The following ZFHX3 variants were observed in gnomAD, a reference collection of about 807,000 sequenced individuals.
ZFHX3 encodes zinc finger homeobox 3, also known as zinc finger homeobox protein 3.
A neutral mutation model predicts 279.1 loss-of-function variants in ZFHX3; 42 were observed. The ratio of observed to expected loss-of-function variants is 0.15; its 90% CI spans 0.12 to 0.19. The LOEUF (loss-of-function observed/expected upper bound fraction) is 0.19, where lower values mean the gene tolerates loss of function less well. Among genes scored for constraint, ZFHX3 ranks in the 10% least tolerant of loss-of-function variants. The pLI, the probability that ZFHX3 is intolerant of heterozygous loss-of-function variation, is 1.00. For missense variants in ZFHX3, 4,981 were observed against 4,754.0 expected (o/e 1.05, Z -1.40); for synonymous variants, 2,293 against 1,957.8 (o/e 1.17, Z -4.52).
chr16:73,315,602 G>GA (rs974445638), intron 4 of ZFHX3, among the ~76,000 whole-genome samples: 70 of 150,332 alleles, frequency 4.7e-4, no homozygotes, highest in Admixed American at 1.1e-3. Flanking sequence ...ACCAGGTATT[G>GA]AAAAAAAAAG....
chr16:72,939,152 A>G (rs1242086992), intron 3 of ZFHX3, among the ~76,000 whole-genome samples: 1 of 152,198 alleles, frequency 6.6e-6, no homozygotes, highest in Non-Finnish European at 1.5e-5. Flanking sequence ...ACAAAGGCAC[A>G]GGAGCTATGG....
chr16:73,669,116 C>T (rs571313386), intron 2 of ZFHX3, among the ~76,000 whole-genome samples: 17 of 149,422 alleles, frequency 1.1e-4, no homozygotes, highest in African/African-American at 3.2e-4. Context: ...TGCAGTGGTG[C>T]GATCTGGGCT....
chr16:73,412,256 G>C (rs1266160420), intron 3 of ZFHX3, among the ~76,000 whole-genome samples: 2 of 151,154 alleles, frequency 1.3e-5, no homozygotes, highest in Non-Finnish European at 2.9e-5. Context: ...GAGCCTGGGA[G>C]GTCAAGGCTA....
In ZFHX3 at chr16:72,958,417, C is replaced by G; in HGVS notation, c.1729G>C (p.Val577Leu). ...CCGCCCTCTGCCACATTGGCCCTGA[C>G]GCCCTCACTGTTAAAGCTTAAACGA... ...RNRLSFNSEGVRANVAEGGRR... is the reference protein window; with the variant it reads ...RNRLSFNSEGLRANVAEGGRR... Residue 577 changes from valine to leucine, a missense_variant, in exon 2 of 10, where the codon GTC becomes CTC. Physicochemically the swap from Val to Leu is conservative, Grantham distance 32. Around this residue, in one of 7 missense-constraint regions of ZFHX3, gnomAD observed 1,068 missense variants for 935.2 expected, o/e 1.14. Coordinates refer to ENST00000268489, the MANE Select transcript of ZFHX3 (RefSeq NM_006885.4). The G allele has an allele frequency of 6.2e-7, 1 of 1,614,220 alleles. No individual in the cohort carries two copies. Among genetic ancestry groups the G allele is most frequent in the Admixed American group, 1.7e-5 (1 of 60,036 alleles).
At chr16:72,932,653 C>CAAAAAAAAAAA (rs3079316) in intron 3 of ZFHX3, among the ~76,000 whole-genome samples, 1 of 103,266 alleles carries the variant, frequency 9.7e-6, no homozygotes, top group Non-Finnish European at 2.0e-5. Context: ...TGCTCCGCAC[C>CAAAAAAAAAAA]AAAAAAAAAA....
chr16:73,158,279 G>A (rs761390375), intron 5 of ZFHX3, among the ~76,000 whole-genome samples: 12 of 152,060 alleles, frequency 7.9e-5, no homozygotes, highest in Admixed American at 5.2e-4. Context: ...GAGTTCAGGA[G>A]ATAGGAGGCT....
chr16:73,633,881 G>C (rs1332646470), intron 2 of ZFHX3, among the ~76,000 whole-genome samples: 1 of 151,000 alleles, frequency 6.6e-6, no homozygotes, highest in Non-Finnish European at 1.5e-5. Context: ...CCGGGCGACA[G>C]AGCAAGACTC....
chr16:73,857,797 T>C (rs1961774328), intron 1 of ZFHX3, among the ~76,000 whole-genome samples: 2 of 152,134 alleles, frequency 1.3e-5, no homozygotes, highest in East Asian at 3.9e-4. Flanking sequence ...ATTTTTGACA[T>C]CTTGCAGAAA....
chr16:73,335,691 A>C (rs1283878575), intron 3 of ZFHX3, among the ~76,000 whole-genome samples: 2 of 152,100 alleles, frequency 1.3e-5, no homozygotes, highest in African/African-American at 4.8e-5. Flanking sequence ...TTCTCCCAAT[A>C]ACTAGATTCA....
In ZFHX3 at chr16:73,334,810, C is replaced by CTTTTTT. The variant is rs368597124; in HGVS notation, c.-1290-16480_-1290-16475dup. On this transcript the variant is annotated intron_variant, in intron 3 of 17. Coordinates refer to the ZFHX3 transcript ENST00000641206. Reference sequence around the variant, plus strand: ...TCTTTTCCTCCTTTTCTTTCTCATTCTTTTTTTTTTTTTTTTTTTTTTTTT... The same window carrying CTTTTTT: ...TCTTTTCCTCCTTTTCTTTCTCATTCTTTTTTTTTTTTTTTTTTTTTTTTTTTTTTT... Among the ~76,000 whole-genome samples the CTTTTTT allele has an allele frequency of 2.3e-3, 132 of 57,902 alleles. 14 individuals carry two copies. The highest frequency in any genetic ancestry group is 0.019 in the Middle Eastern group (1 of 52). 38.0% of individuals were successfully genotyped at this position (57,902 alleles called of 152,430 possible). A position where few individuals can be genotyped will look rare whatever the true frequency, so the allele number is the denominator to read the frequency against.
intron 2 of ZFHX3, among the ~76,000 whole-genome samples, chr16:73,460,611 C>T (rs2018455501): frequency 6.6e-6 from 1 of 152,140 alleles, no homozygotes. Context: ...GTATAAGTCA[C>T]TTGATTTTTC....
At chr16:73,629,436 C>G (rs979339547) in intron 2 of ZFHX3, among the ~76,000 whole-genome samples, 6 of 151,876 alleles carry the variant, frequency 4.0e-5, no homozygotes, top group African/African-American at 1.5e-4. Flanking sequence ...ATATTACAAG[C>G]AATGCAACCT....
intron 1 of ZFHX3, among the ~76,000 whole-genome samples, chr16:73,882,232 C>T (rs1007464666): frequency 9.9e-5 from 15 of 151,992 alleles, no homozygotes; most frequent in African/African-American, 3.6e-4. Context: ...TTTTATGCCC[C>T]GAGACACGCA....
chr16:73,710,921 TA>T (rs2053356508), intron 1 of ZFHX3, among the ~76,000 whole-genome samples: 1 of 152,164 alleles, frequency 6.6e-6, no homozygotes, highest in Admixed American at 6.5e-5. Context: ...TGATCAATAT[TA>T]ACAGTCACTT....
intron 1 of ZFHX3, among the ~76,000 whole-genome samples, chr16:73,770,012 T>C (rs896636808): frequency 2.6e-5 from 4 of 152,234 alleles, no homozygotes; most frequent in African/African-American, 7.2e-5. Context: ...GTCGGCAGAA[T>C]AATGGTCCCC....
chr16:73,270,550 G>T (rs371970690), intron 4 of ZFHX3, among the ~76,000 whole-genome samples: 1 of 152,318 alleles, frequency 6.6e-6, no homozygotes, highest in East Asian at 1.9e-4. Flanking sequence ...ACTGAAGCAA[G>T]ATGGTGGCTC....
intron 7 of ZFHX3, among the ~76,000 whole-genome samples, chr16:72,809,045 G>A (rs964750658): frequency 6.6e-6 from 1 of 152,190 alleles, no homozygotes; most frequent in Admixed American, 6.5e-5. Flanking sequence ...TGCCCTTGAA[G>A]ACTCTGTTGG....
chr16:72,866,076 G>A (rs2038015464), intron 4 of ZFHX3, among the ~76,000 whole-genome samples: 1 of 151,906 alleles, frequency 6.6e-6, no homozygotes, highest in Admixed American at 6.6e-5. Flanking sequence ...TTGGAAGGAG[G>A]AAAAAAAGGA....
intron 1 of ZFHX3, among the ~76,000 whole-genome samples, chr16:73,704,726 T>A (rs1272278986): frequency 6.6e-6 from 1 of 152,068 alleles, no homozygotes; most frequent in African/African-American, 2.4e-5. Context: ...AGTGGGAGAG[T>A]GAGCCAGAGG....
Sources: allele counts gnomAD v4.1 joint callset (sites outside exome capture counted in the v4.1 genomes callset), GRCh38; gene constraint gnomAD v4.1.1; regional missense constraint gnomAD v4.1.1; transcripts MANE v1.5; gene names NCBI Gene and HGNC (gene_info 2026-07-23, HGNC 2026-07-21).